Variants in TAFA1 observed in about 807,000 individuals in gnomAD.
TAFA1 encodes the protein chemokine-like protein TAFA-1.
TAFA1 carries 4 observed loss-of-function variants against 18.5 expected under a neutral mutation model. The observed-to-expected ratio is 0.22, with a 90% CI of 0.11 to 0.49. The LOEUF (loss-of-function observed/expected upper bound fraction) is 0.49. Among genes scored for constraint, TAFA1 ranks in the 20% least tolerant of loss-of-function variants. The probability of loss-of-function intolerance (pLI) is 0.98; values close to 1 mark genes in which losing one functional copy is unlikely to be tolerated. For missense variants in TAFA1, 147 were observed against 169.0 expected (o/e 0.87, Z 0.72); for synonymous variants, 56 against 55.2 (o/e 1.01, Z -0.06).
chr3:68,443,491 AAAAAAC>A (rs1553691476), intron 3 of TAFA1, among the ~76,000 whole-genome samples: 1 of 132,928 alleles, frequency 7.5e-6, no homozygotes, highest in African/African-American at 3.0e-5. Context: ...AAAAAAAAAA[AAAAAAC>A]AAAAAAAAAG....
chr3:68,381,764 C>T (rs796424413), intron 2 of TAFA1, among the ~76,000 whole-genome samples: 1 of 152,120 alleles, frequency 6.6e-6, no homozygotes, highest in Non-Finnish European at 1.5e-5. Context: ...CCCTTTGTTT[C>T]CTTCTGCTGC....
chr3:68,146,188 T>C (rs1465292999), intron 2 of TAFA1, among the ~76,000 whole-genome samples: 1 of 152,202 alleles, frequency 6.6e-6, no homozygotes, highest in Non-Finnish European at 1.5e-5. Context: ...TGCCTTGGAA[T>C]CCTGTCAAAA....
At chr3:68,478,048 G>A (rs1246442582) in intron 3 of TAFA1, among the ~76,000 whole-genome samples, 1 of 152,198 alleles carries the variant, frequency 6.6e-6, no homozygotes, top group African/African-American at 2.4e-5. Context: ...ATCATGGGGT[G>A]AAATTTAGAG....
chr3:68,128,452 G>A (rs1262394055), intron 2 of TAFA1, among the ~76,000 whole-genome samples: 1 of 152,182 alleles, frequency 6.6e-6, no homozygotes, highest in Non-Finnish European at 1.5e-5. Flanking sequence ...CTCACAAGGG[G>A]ACTATGAACA....
chr3:68,096,974 T>G (rs1399828553), intron 2 of TAFA1, among the ~76,000 whole-genome samples: 1 of 152,048 alleles, frequency 6.6e-6, no homozygotes, highest in East Asian at 1.9e-4. Flanking sequence ...GCAGGTAAAA[T>G]GGTATCTGGG....
At chr3:68,329,205 T>C (rs538738881) in intron 2 of TAFA1, among the ~76,000 whole-genome samples, 5 of 138,508 alleles carry the variant, frequency 3.6e-5, no homozygotes, top group Admixed American at 7.4e-5. Flanking sequence ...TGCACAACCA[T>C]GCCTGGCTGC....
intron 2 of TAFA1, among the ~76,000 whole-genome samples, chr3:68,075,315 G>A (rs2064809726): frequency 6.6e-6 from 1 of 152,122 alleles, no homozygotes; most frequent in African/African-American, 2.4e-5. Context: ...GACTATTTGT[G>A]ACCTTCAATG....
At chr3:68,499,997 C>G (rs2072629471) in intron 3 of TAFA1, among the ~76,000 whole-genome samples, 1 of 151,952 alleles carries the variant, frequency 6.6e-6, no homozygotes, top group Non-Finnish European at 1.5e-5. Flanking sequence ...TAAGGCATAG[C>G]CTCAAATGAT....
intron 3 of TAFA1, among the ~76,000 whole-genome samples, chr3:68,422,908 T>C (rs2070983226): frequency 6.6e-6 from 1 of 151,890 alleles, no homozygotes; most frequent in Non-Finnish European, 1.5e-5. Flanking sequence ...TGAGAACAAC[T>C]AAAAATATTA....
chr3:68,499,261 A>G (rs77545444), intron 3 of TAFA1, among the ~76,000 whole-genome samples: 30,023 of 141,360 alleles, frequency 0.21, 3,022 homozygotes, highest in Middle Eastern at 0.26. Flanking sequence ...TTATATGTTA[A>G]AAGAAAAAAA....
intron 2 of TAFA1, among the ~76,000 whole-genome samples, chr3:68,342,895 C>A (rs373612053): frequency 1.2e-3 from 182 of 152,312 alleles, no homozygotes; most frequent in African/African-American, 4.1e-3. Flanking sequence ...CTTTATACAG[C>A]ACAGCCTTTA....
chr3:68,286,997 G>A (rs1333909311), intron 2 of TAFA1, among the ~76,000 whole-genome samples: 6 of 152,274 alleles, frequency 3.9e-5, no homozygotes, highest in South Asian at 4.2e-4. Flanking sequence ...GCAGTTGTGG[G>A]GCCCCCGCAG....
At chr3:68,159,556 TC>T (rs367873618) in intron 2 of TAFA1, among the ~76,000 whole-genome samples, 315 of 152,142 alleles carry the variant, frequency 2.1e-3, no homozygotes, top group African/African-American at 7.3e-3. Context: ...TTCCCCCTGC[TC>T]CCCCCTTCCT....
At chr3:68,057,357 G>T (rs2064549514) in intron 2 of TAFA1, among the ~76,000 whole-genome samples, 1 of 152,178 alleles carries the variant, frequency 6.6e-6, no homozygotes, top group African/African-American at 2.4e-5. Flanking sequence ...AGGTGATCCT[G>T]TGTATTTTCT....
rs149577176 is a variant in TAFA1, at chr3:68,536,513, C to T, written c.260-2243C>T. On this transcript the variant is annotated intron_variant, in intron 3 of 4. Transcript: ENST00000478136. ...GTAAAAACAGCCAACCAGAAAGCATCGTAAGACAAACACCTGGCTGACATT... is the reference window on the plus strand; with the variant it reads ...GTAAAAACAGCCAACCAGAAAGCATTGTAAGACAAACACCTGGCTGACATT... Among the ~76,000 whole-genome samples, 1,229 of 152,182 alleles carry T rather than the reference C, an allele frequency of 8.1e-3. 2 individuals carry two copies. Among genetic ancestry groups the T allele is most frequent in the Non-Finnish European group, 0.013 (872 of 68,008 alleles).
chr3:68,152,881 C>T (rs1008045186), intron 2 of TAFA1, among the ~76,000 whole-genome samples: 2 of 152,048 alleles, frequency 1.3e-5, no homozygotes, highest in Admixed American at 6.6e-5. Flanking sequence ...CAGAAATCAG[C>T]AGGGTGGCAT....
intron 2 of TAFA1, among the ~76,000 whole-genome samples, chr3:68,385,743 C>T (rs2070086160): frequency 6.6e-6 from 1 of 151,772 alleles, no homozygotes; most frequent in Non-Finnish European, 1.5e-5. Flanking sequence ...TAAGTAGTTT[C>T]CTACTGGAAC....
At chr3:68,016,534 T>C (rs1559703116) in intron 2 of TAFA1, among the ~76,000 whole-genome samples, 1 of 152,200 alleles carries the variant, frequency 6.6e-6, no homozygotes, top group Non-Finnish European at 1.5e-5. Flanking sequence ...TTCTGTACCC[T>C]GATGTGCTAT....
intron 2 of TAFA1, among the ~76,000 whole-genome samples, chr3:68,143,753 C>T (rs1273719096): frequency 6.6e-6 from 1 of 152,114 alleles, no homozygotes; most frequent in Admixed American, 6.5e-5. Flanking sequence ...TTCCCTAAAA[C>T]AGAATGAATC....
Sources: gnomAD v4.1 joint callset for allele counts (sites outside exome capture counted in the v4.1 genomes callset) on GRCh38, gnomAD v4.1.1 for gene constraint, MANE v1.5 for transcripts, NCBI Gene and HGNC (gene_info 2026-07-23, HGNC 2026-07-21) for gene names.